The following NLN variants were observed in gnomAD, a reference collection of about 807,000 sequenced individuals.
NLN encodes neurolysin, also known as neurolysin, mitochondrial.
NLN carries 64 observed loss-of-function variants against 79.9 expected under a neutral mutation model. That is an observed-to-expected ratio of 0.80 (90% confidence interval 0.65 to 0.99). The LOEUF is 0.99. Ranked by LOEUF, NLN falls within the 50% of genes least tolerant of loss-of-function variation. The pLI is 0.00. For synonymous variants in NLN, 267 were observed against 296.6 expected, an observed-to-expected ratio of 0.90 and a Z score of 1.02; for missense variants, 835 against 858.7, an observed-to-expected ratio of 0.97 and a Z score of 0.34.
chr5:65,729,671 G>A (rs774898438), intron 1 of NLN, among the ~76,000 whole-genome samples: 5 of 152,146 alleles, frequency 3.3e-5, no homozygotes, highest in Non-Finnish European at 7.4e-5. Context: ...ACCGTGCTCC[G>A]CCGAGGATTG....
At chr5:65,741,549 T>C (rs1012976181) in intron 1 of NLN, among the ~76,000 whole-genome samples, 1 of 152,178 alleles carries the variant, frequency 6.6e-6, no homozygotes, top group African/African-American at 2.4e-5. Context: ...CAAGCCTAAG[T>C]ATTAAATAAT....
At chr5:65,758,198 T>G (rs1203505841) in intron 1 of NLN, among the ~76,000 whole-genome samples, 3 of 152,078 alleles carry the variant, frequency 2.0e-5, no homozygotes, top group Non-Finnish European at 4.4e-5. Flanking sequence ...ATCACATCAC[T>G]GCACTCCAGC....
chr5:65,826,276 G>A lies in NLN; in HGVS notation c.*3361G>A, dbSNP rs1249249152. On this transcript the variant is annotated 3_prime_UTR_variant, in exon 13 of 13. Transcript: ENST00000380985. ...TTTACGAGAGCAGGAATCCCATCAT[G>A]AGAGTTCCTTCCTCATGACTTTATC... 1 of 152,184 alleles carries A rather than the reference G, an allele frequency of 6.6e-6. No individual in the cohort carries two copies. The highest frequency in any genetic ancestry group is 1.5e-5 in the Non-Finnish European group (1 of 68,056). 9.4% of individuals were successfully genotyped at this position (152,184 alleles called of 1,614,324 possible).
At chr5:65,812,718 A>G (rs548478094) in intron 12 of NLN, among the ~76,000 whole-genome samples, 2 of 152,326 alleles carry the variant, frequency 1.3e-5, no homozygotes, top group East Asian at 1.9e-4. Flanking sequence ...TTTTAGTTTT[A>G]TAGGAGGTTG....
chr5:65,741,345 G>A (rs1012734841), intron 1 of NLN, among the ~76,000 whole-genome samples: 2 of 152,118 alleles, frequency 1.3e-5, no homozygotes, highest in African/African-American at 4.8e-5. Context: ...TCAATCTGTA[G>A]ATCACTTTGT....
rs1026369118 is a variant in NLN, at chr5:65,828,023, TAA to T, written c.*5114_*5115del. On this transcript the variant is annotated 3_prime_UTR_variant, in exon 13 of 13. Transcript: ENST00000380985. ...CAGAGTGAAACTCTTGTCTCAAAAG[TAA>T]AAAAATAATAATGTTTAAAAATATT... 2 of 152,080 alleles carry T rather than the reference TAA, an allele frequency of 1.3e-5. No individual in the cohort carries two copies. The highest frequency in any genetic ancestry group is 3.9e-4 in the East Asian group (2 of 5,172). The allele number at this position is 152,080 out of a possible 1,614,324, so 9.4% of individuals were successfully genotyped here. A position where few individuals can be genotyped will look rare whatever the true frequency, so the allele number is the denominator to read the frequency against.
chr5:65,799,005 C>G (rs1760225932), intron 9 of NLN, among the ~76,000 whole-genome samples: 1 of 152,132 alleles, frequency 6.6e-6, no homozygotes, highest in African/African-American at 2.4e-5. Flanking sequence ...CCTCAGCTTC[C>G]TAAGTAGCTG....
chr5:65,800,472 G>A (rs185971157), intron 9 of NLN, among the ~76,000 whole-genome samples: 1,696 of 152,062 alleles, frequency 0.011, 29 homozygotes, highest in African/African-American at 0.039. Context: ...TCAGGAGATC[G>A]AGACCATCCT....
chr5:65,771,031 C>T (rs766263869), intron 3 of NLN, among the ~76,000 whole-genome samples: 14 of 151,988 alleles, frequency 9.2e-5, no homozygotes, highest in African/African-American at 2.4e-4. Flanking sequence ...GTAAATGCAA[C>T]GGTATTATTA....
At chr5:65,766,581 C>T (rs1255975455) in intron 3 of NLN, among the ~76,000 whole-genome samples, 1 of 152,138 alleles carries the variant, frequency 6.6e-6, no homozygotes, top group South Asian at 2.1e-4. Context: ...TTTCATCACA[C>T]CCCCAGCCCC....
chr5:65,782,839 A>G (rs1317357377), intron 6 of NLN, among the ~76,000 whole-genome samples: 1 of 152,186 alleles, frequency 6.6e-6, no homozygotes, highest in African/African-American at 2.4e-5. Context: ...TTTCCCAAAC[A>G]ATTCCTCTAG....
chr5:65,753,838 T>G (rs992305452), intron 1 of NLN, among the ~76,000 whole-genome samples: 4 of 152,310 alleles, frequency 2.6e-5, no homozygotes, highest in African/African-American at 9.6e-5. Flanking sequence ...TTACCTATAC[T>G]GGGACTTCCT....
At chr5:65,810,598 C>T (rs997183867) in intron 11 of NLN, among the ~76,000 whole-genome samples, 3 of 152,110 alleles carry the variant, frequency 2.0e-5, no homozygotes, top group African/African-American at 4.8e-5. Context: ...CTTTGTGTTA[C>T]ATACAGTCCA....
intron 9 of NLN, among the ~76,000 whole-genome samples, chr5:65,807,934 A>G (rs1395940966): frequency 6.6e-6 from 1 of 152,182 alleles, no homozygotes; most frequent in African/African-American, 2.4e-5. Context: ...TAACATAGGA[A>G]AGTCTCAACA....
intron 1 of NLN, among the ~76,000 whole-genome samples, chr5:65,734,647 G>T (rs1758688141): frequency 1.3e-5 from 2 of 151,938 alleles, no homozygotes; most frequent in Non-Finnish European, 2.9e-5. Context: ...GCCATATTTT[G>T]CTGGTATCTT....
chr5:65,779,640 CAG>C (rs1004792559), intron 4 of NLN, among the ~76,000 whole-genome samples: 2 of 152,206 alleles, frequency 1.3e-5, no homozygotes, highest in African/African-American at 4.8e-5. Flanking sequence ...TTCATTCACT[CAG>C]AAACTATTTA....
intron 7 of NLN, 84 bp from the exon 8 acceptor site, chr5:65,788,034 C>G: frequency 1.5e-6 from 2 of 1,344,910 alleles, no homozygotes; most frequent in Admixed American, 4.1e-5. Context: ...AAGGAGGAAG[C>G]ACCATGCTAA....
chr5:65,810,314 G>A, intron 11 of NLN, 149 bp downstream of exon 11: 1 of 692,544 alleles, frequency 1.4e-6, no homozygotes, highest in South Asian at 1.9e-5. Context: ...AGCATACTAT[G>A]TCCTTATGAG....
At chr5:65,816,878 C>T (rs1305058230) in intron 12 of NLN, among the ~76,000 whole-genome samples, 2 of 152,158 alleles carry the variant, frequency 1.3e-5, no homozygotes, top group Non-Finnish European at 2.9e-5. Context: ...CGGGATGGCC[C>T]TTCAAAGCGT....
Sources: gnomAD v4.1 joint callset for allele counts (sites outside exome capture counted in the v4.1 genomes callset) on GRCh38, gnomAD v4.1.1 for gene constraint, MANE v1.5 for transcripts, NCBI Gene and HGNC (gene_info 2026-07-23, HGNC 2026-07-21) for gene names.